Variants in DIS3L2 observed in about 807,000 individuals in gnomAD.
DIS3L2 encodes DIS3-like exonuclease 2.
DIS3L2 carries 34 observed loss-of-function variants against 97.5 expected under a neutral mutation model. The ratio of observed to expected loss-of-function variants is 0.35; its 90% confidence interval spans 0.27 to 0.46. The LOEUF (loss-of-function observed/expected upper bound fraction) is 0.46, where lower values mean the gene tolerates loss of function less well. DIS3L2 is among the 20% of genes least tolerant of loss of function. The pLI is 1.00. For synonymous variants in DIS3L2, 435 were observed against 445.2 expected (o/e 0.98, Z 0.29); for missense variants, 1,038 against 1,146.0 (o/e 0.91, Z 1.36).
Position 232,317,869 on chromosome 2 carries a change from T to C in DIS3L2, c.1740-11944T>C, listed in dbSNP as rs11693787. Among the ~76,000 whole-genome samples, 380 of 152,356 alleles carry C rather than the reference T, an allele frequency of 2.5e-3. 1 individual carries two copies. Among genetic ancestry groups the C allele is most frequent in the Non-Finnish European group, 4.4e-3 (299 of 68,022 alleles). ...ATAGTTAACAATAGGTCAGAGCTTA[T>C]AATGTTAAATAAGATAACAAAGTTT... On this transcript the variant is annotated intron_variant, in intron 14 of 20. Coordinates refer to ENST00000325385, the MANE Select transcript of DIS3L2 (RefSeq NM_152383.5).
At chr2:232,107,875 C>CTAA (rs989515428) in intron 6 of DIS3L2, among the ~76,000 whole-genome samples, 43 of 152,256 alleles carry the variant, frequency 2.8e-4, no homozygotes, top group African/African-American at 9.6e-4. Context: ...CCTGAATAGA[C>CTAA]TAATACTGAG....
chr2:232,262,612 C>T (rs559620008), intron 12 of DIS3L2, among the ~76,000 whole-genome samples: 1 of 152,214 alleles, frequency 6.6e-6, no homozygotes, highest in Non-Finnish European at 1.5e-5. Flanking sequence ...ATATACAGTT[C>T]AGCCCCCTGG....
intron 1 of DIS3L2, among the ~76,000 whole-genome samples, chr2:231,973,867 T>C (rs1325037309): frequency 6.6e-6 from 1 of 152,100 alleles, no homozygotes; most frequent in African/African-American, 2.4e-5. Flanking sequence ...CCCCAACTAA[T>C]AATTACAACA....
At chr2:232,001,518 C>T (rs1389308244) in intron 1 of DIS3L2, among the ~76,000 whole-genome samples, 4 of 125,666 alleles carry the variant, frequency 3.2e-5, no homozygotes, top group Non-Finnish European at 6.6e-5. Flanking sequence ...TGATTTTTTG[C>T]TTAACAGAGT....
chr2:232,207,459 G>A lies in DIS3L2; in HGVS notation c.1125-2867G>A, dbSNP rs527954256. 8.5e-5 allele frequency among the ~76,000 whole-genome samples: 13 copies of A among 152,296 alleles called. No homozygotes were observed. In the East Asian group the frequency reaches 9.6e-4, roughly 11 times the overall value. ...TCTGGGAACACAGCCCTCGGAGCAC[G>A]CATTCCAGGAGATCAGTGTTTCTCT... On this transcript the variant is annotated intron_variant, in intron 9 of 20. Coordinates refer to ENST00000325385, the MANE Select transcript of DIS3L2 (RefSeq NM_152383.5).
chr2:232,164,600 T>C (rs764741587), intron 9 of DIS3L2, among the ~76,000 whole-genome samples: 1 of 152,228 alleles, frequency 6.6e-6, no homozygotes, highest in Non-Finnish European at 1.5e-5. Flanking sequence ...TCCCTCTCTG[T>C]ACCTTCTTAC....
intron 1 of DIS3L2, among the ~76,000 whole-genome samples, chr2:231,993,116 A>G (rs903903262): frequency 6.6e-6 from 1 of 152,172 alleles, no homozygotes. Flanking sequence ...AGTCACCTCA[A>G]ACTCAGCACG....
chr2:231,979,146 C>T (rs1168829748), intron 1 of DIS3L2, among the ~76,000 whole-genome samples: 1 of 152,010 alleles, frequency 6.6e-6, no homozygotes, highest in Non-Finnish European at 1.5e-5. Context: ...TTTCTTTACT[C>T]CTAGGTTTTA....
At chr2:232,138,088 T>C (rs1436900508) in intron 8 of DIS3L2, among the ~76,000 whole-genome samples, 1 of 152,230 alleles carries the variant, frequency 6.6e-6, no homozygotes, top group Non-Finnish European at 1.5e-5. Context: ...GTGTACTTGA[T>C]TGGACTACTT....
intron 5 of DIS3L2, among the ~76,000 whole-genome samples, chr2:232,079,768 A>G (rs1484153588): frequency 6.6e-6 from 1 of 152,226 alleles, no homozygotes; most frequent in Non-Finnish European, 1.5e-5. Context: ...GGCAGGCCCT[A>G]TGAATAGCCA....
chr2:231,964,436 T>G (rs556692661), intron 1 of DIS3L2, among the ~76,000 whole-genome samples: 16 of 151,994 alleles, frequency 1.1e-4, no homozygotes, highest in African/African-American at 3.9e-4. Context: ...TTGAAGAAAG[T>G]AGGAGCAGGT....
intron 6 of DIS3L2, among the ~76,000 whole-genome samples, chr2:232,099,553 G>A (rs146571420): frequency 4.6e-4 from 70 of 152,192 alleles, no homozygotes; most frequent in African/African-American, 1.5e-3. Flanking sequence ...ATGGATCTTT[G>A]ATTTTTTTGT....
intron 6 of DIS3L2, among the ~76,000 whole-genome samples, chr2:232,103,956 G>A (rs1697282727): frequency 6.6e-6 from 1 of 152,034 alleles, no homozygotes; most frequent in Non-Finnish European, 1.5e-5. Flanking sequence ...CAGTTGTTTA[G>A]TTTCATCTGT....
chr2:232,318,272 T>G (rs1237422236), intron 14 of DIS3L2, among the ~76,000 whole-genome samples: 3 of 152,206 alleles, frequency 2.0e-5, no homozygotes, highest in Non-Finnish European at 4.4e-5. Flanking sequence ...ACCATCAAAC[T>G]TAGAAAACGA....
At chr2:232,086,636 T>TATATGTGTATATATATATATATATACAC (rs1559613442) in intron 5 of DIS3L2, among the ~76,000 whole-genome samples, 3 of 50,056 alleles carry the variant, frequency 6.0e-5, no homozygotes, top group South Asian at 3.8e-4. Context: ...TATACACATA[T>TATATGTGTATATATATATATATATACAC]ATATATATGT....
chr2:232,311,161 G>A (rs922588120), intron 14 of DIS3L2, among the ~76,000 whole-genome samples: 1 of 152,164 alleles, frequency 6.6e-6, no homozygotes, highest in Non-Finnish European at 1.5e-5. Flanking sequence ...AGGAAATGGG[G>A]GAGCCGCAAA....
rs1408964728 is a variant in DIS3L2, at chr2:232,232,507, G to A, written c.1205-6026G>A. On this transcript the variant is annotated intron_variant, in intron 10 of 20. Coordinates refer to ENST00000325385, the MANE Select transcript of DIS3L2 (RefSeq NM_152383.5). ...TATGGGCAGATGTGAGAGACGTATG[G>A]AAGGTAGAGTCAGAATGATTGATCG... Among the ~76,000 whole-genome samples the A allele has an allele frequency of 2.0e-5, 3 of 152,210 alleles. No homozygotes were observed. The East Asian group carries it at 5.8e-4, about 29-fold the overall frequency.
At chr2:232,039,677 T>C (rs902354856) in intron 5 of DIS3L2, among the ~76,000 whole-genome samples, 7 of 152,194 alleles carry the variant, frequency 4.6e-5, no homozygotes, top group Non-Finnish European at 1.0e-4. Flanking sequence ...ATTACAGACA[T>C]CTAATGAAAG....
intron 1 of DIS3L2, among the ~76,000 whole-genome samples, chr2:232,001,632 G>A (rs1574801129): frequency 8.4e-6 from 1 of 118,900 alleles, no homozygotes; most frequent in Non-Finnish European, 1.6e-5. Context: ...TCTTTGCCCT[G>A]ATCAATGTCA....
Sources: gnomAD v4.1 joint callset for allele counts (sites outside exome capture counted in the v4.1 genomes callset) on GRCh38, gnomAD v4.1.1 for gene constraint, MANE v1.5 for transcripts, NCBI Gene and HGNC (gene_info 2026-07-23, HGNC 2026-07-21) for gene names.